SCN10A: variants seen among roughly 807,000 people sequenced by gnomAD.
The protein encoded by SCN10A is sodium voltage-gated channel alpha subunit 10.
Under a neutral mutation model 170.7 loss-of-function variants are expected in SCN10A, and 162 were observed. The observed-to-expected ratio is 0.95, with a 90% CI of 0.84 to 1.08. The LOEUF is 1.08. Ranked by LOEUF, SCN10A falls within the 50% of genes least tolerant of loss-of-function variation. The pLI, the probability that SCN10A is intolerant of heterozygous loss-of-function variation, is 0.00. For missense variants in SCN10A, 2,527 were observed against 2,436.9 expected (o/e 1.04, Z -0.78); for synonymous variants, 985 against 904.6 (o/e 1.09, Z -1.59).
At chr3:38,793,225 A>T (rs1279116765) in intron 2 of SCN10A, among the ~76,000 whole-genome samples, 2 of 152,182 alleles carry the variant, frequency 1.3e-5, no homozygotes, top group African/African-American at 4.8e-5. Flanking sequence ...ATGTATGATC[A>T]TAAGAGAAAG....
chr3:38,771,248 C>A, intron 5 of SCN10A, 31 bp downstream of exon 5: 1 of 1,610,454 alleles, frequency 6.2e-7, no homozygotes, highest in East Asian at 2.2e-5. Flanking sequence ...TCTCCTATCA[C>A]ACATGCAGAT....
chr3:38,748,336 C>G (rs2063713715), intron 13 of SCN10A, among the ~76,000 whole-genome samples: 1 of 152,168 alleles, frequency 6.6e-6, no homozygotes, highest in African/African-American at 2.4e-5. Flanking sequence ...AGAAGAGAGT[C>G]TGTACACGTT....
intron 15 of SCN10A, 89 bp downstream of exon 15, chr3:38,739,426 G>A: frequency 8.3e-7 from 1 of 1,198,120 alleles, no homozygotes. Context: ...GGAGAGGAAG[G>A]GGGAGCTGGC....
intron 18 of SCN10A, among the ~76,000 whole-genome samples, chr3:38,723,961 G>A (rs539406222): frequency 3.3e-5 from 5 of 152,328 alleles, no homozygotes; most frequent in Admixed American, 6.5e-5. Flanking sequence ...TGGTGGGGCG[G>A]GTCCCCATTT....
At chr3:38,746,621 A>G (rs1267792156) in intron 13 of SCN10A, among the ~76,000 whole-genome samples, 1 of 151,778 alleles carries the variant, frequency 6.6e-6, no homozygotes, top group East Asian at 1.9e-4. Context: ...TCTGGCCCCA[A>G]CTCATCCCTC....
intron 12 of SCN10A, among the ~76,000 whole-genome samples, chr3:38,750,933 C>G (rs2063740398): frequency 6.6e-6 from 1 of 152,174 alleles, no homozygotes; most frequent in Non-Finnish European, 1.5e-5. Context: ...CTGCAGGATG[C>G]CTTTGACTTT....
intron 4 of SCN10A, among the ~76,000 whole-genome samples, chr3:38,780,399 A>T (rs2064125423): frequency 6.6e-6 from 1 of 152,026 alleles, no homozygotes; most frequent in Non-Finnish European, 1.5e-5. Flanking sequence ...AGAGTTGGGT[A>T]TTGCTTTGTA....
intron 15 of SCN10A, among the ~76,000 whole-genome samples, chr3:38,737,838 C>CTTTCTTTCTTTCT (rs549093627): frequency 2.1e-4 from 9 of 41,878 alleles, no homozygotes; most frequent in African/African-American, 1.5e-3. Context: ...CTTTCTCTTT[C>CTTTCTTTCTTTCT]TTCTTTCTTT....
intron 9 of SCN10A, 40 bp from the exon 10 acceptor site, chr3:38,756,911 G>A (rs1348496067): frequency 6.2e-7 from 1 of 1,609,558 alleles, no homozygotes; most frequent in East Asian, 2.2e-5. Flanking sequence ...TGTACCCATA[G>A]CACATGGACC....
At chr3:38,756,937 G>T in intron 9 of SCN10A, 66 bp from the exon 10 acceptor site, 1 of 1,606,738 alleles carries the variant, frequency 6.2e-7, no homozygotes, top group South Asian at 1.1e-5. Flanking sequence ...ATTTAAGTCA[G>T]CCTCCTCCAG....
rs146965005 is a variant in SCN10A, at chr3:38,722,404, G to A, written c.3361C>T (p.Arg1121Cys). 1.7e-4 allele frequency: 271 copies of A among 1,613,504 alleles called. No homozygotes were observed. The highest frequency in any genetic ancestry group is 4.0e-4 in the Admixed American group (24 of 59,918). Residue 1121 changes from arginine to cysteine, a missense_variant, in exon 20 of 28, where the codon CGC becomes TGC. Transcript: ENST00000449082. ...PDDCFTEGCI[R>C]HCPCCKLDTT... The stretch of plus-strand genomic sequence containing the variant: ...TCCAGTTTGCAGCAGGGACAGTGGC[G>A]AATGCATCCTGTGGGGAGAGGTGAC...
Position 38,761,259 on chromosome 3 carries a change from G to T in SCN10A, c.816C>A (p.Leu272=). The T allele has an allele frequency of 2.5e-6, 4 of 1,613,850 alleles. No homozygotes were observed. The highest frequency in any genetic ancestry group is 3.4e-6 in the Non-Finnish European group (4 of 1,179,892). ...TGTCATTCTTGACACATTTATTTTT[G>T]AGGTTGCCCTTGAAGAGTTGCAGCC... ...LVGLQLFKGN[L]KNKCVKNDMA... The change falls in exon 7 of 28, where the codon CTC becomes CTA. Residue 272 remains leucine (L), a synonymous_variant. Coordinates refer to ENST00000449082, the MANE Select transcript of SCN10A (RefSeq NM_006514.4).
intron 6 of SCN10A, among the ~76,000 whole-genome samples, chr3:38,762,832 G>A (rs1031261419): frequency 7.2e-5 from 11 of 152,260 alleles, no homozygotes; most frequent in East Asian, 3.9e-4. Context: ...CGAATTCTTG[G>A]GGTGAGAGGA....
At chr3:38,738,703 C>T (rs1008086080) in intron 15 of SCN10A, among the ~76,000 whole-genome samples, 2 of 152,160 alleles carry the variant, frequency 1.3e-5, no homozygotes, top group Non-Finnish European at 2.9e-5. Flanking sequence ...TTCCTATTCC[C>T]AAGAGTCAGT....
chr3:38,798,998 G>C (rs1240625424), intron 1 of SCN10A, among the ~76,000 whole-genome samples: 1 of 151,806 alleles, frequency 6.6e-6, no homozygotes, highest in African/African-American at 2.4e-5. Context: ...CCCCAGGCTG[G>C]TCTCAAACTC....
chr3:38,712,507 ATC>A, intron 22 of SCN10A, 62 bp from the exon 23 acceptor site: 1 of 1,541,142 alleles, frequency 6.5e-7, no homozygotes, highest in Middle Eastern at 1.9e-4. Flanking sequence ...GCTGGATTCT[ATC>A]TCTTTCTATA....
intron 1 of SCN10A, among the ~76,000 whole-genome samples, chr3:38,804,179 T>C (rs150854394): frequency 6.6e-6 from 1 of 152,300 alleles, no homozygotes; most frequent in Non-Finnish European, 1.5e-5. Flanking sequence ...TCTCACAGAC[T>C]TCCCTGGCTG....
chr3:38,737,260 G>A (rs955457549), intron 15 of SCN10A, among the ~76,000 whole-genome samples: 1 of 151,966 alleles, frequency 6.6e-6, no homozygotes, highest in Non-Finnish European at 1.5e-5. Context: ...GTGAGCCACC[G>A]CGCCCAGCCT....
chr3:38,765,686 T>A (rs949348142), intron 5 of SCN10A, among the ~76,000 whole-genome samples: 2 of 152,206 alleles, frequency 1.3e-5, no homozygotes, highest in Non-Finnish European at 2.9e-5. Flanking sequence ...TGCTTAGTCT[T>A]GCTTTGGCTA....
Sources: allele counts gnomAD v4.1 joint callset (sites outside exome capture counted in the v4.1 genomes callset), GRCh38; gene constraint gnomAD v4.1.1; transcripts MANE v1.5; gene names NCBI Gene and HGNC (gene_info 2026-07-23, HGNC 2026-07-21).